COL4A4: variants seen among roughly 807,000 people sequenced by gnomAD.
COL4A4 encodes collagen alpha-4(IV) chain.
A neutral mutation model predicts 192.9 loss-of-function variants in COL4A4; 105 were observed. That is an observed-to-expected ratio of 0.54 (90% CI 0.46 to 0.64). The LOEUF (loss-of-function observed/expected upper bound fraction) is 0.64. Among genes scored for constraint, COL4A4 ranks in the 30% least tolerant of loss-of-function variants. COL4A4 has a pLI of 0.00. For synonymous variants in COL4A4, 762 were observed against 769.9 expected (o/e 0.99, Z 0.17); for missense variants, 1,967 against 2,169.3 (o/e 0.91, Z 1.85).
chr2:227,118,426 A>C (rs779583243), intron 7 of COL4A4, among the ~76,000 whole-genome samples: 2 of 152,148 alleles, frequency 1.3e-5, no homozygotes, highest in Non-Finnish European at 2.9e-5. Flanking sequence ...GCCTTTACCT[A>C]ACATGGATAA....
intron 1 of COL4A4, among the ~76,000 whole-genome samples, chr2:227,159,604 G>T (rs2064653707): frequency 6.6e-6 from 1 of 152,172 alleles, no homozygotes; most frequent in East Asian, 1.9e-4. Flanking sequence ...CCAGTGGGAG[G>T]TAATTGAATC....
At chr2:227,068,322 T>C (rs2058479905) in intron 25 of COL4A4, among the ~76,000 whole-genome samples, 2 of 152,198 alleles carry the variant, frequency 1.3e-5, no homozygotes, top group African/African-American at 4.8e-5. Context: ...CTTCTGAAAC[T>C]ATTCCAATCA....
chr2:227,023,968 T>C (rs1235741474), intron 43 of COL4A4, among the ~76,000 whole-genome samples: 2 of 148,936 alleles, frequency 1.3e-5, no homozygotes, highest in Non-Finnish European at 3.0e-5. Context: ...ATCACACCAT[T>C]AAACTCCAGC....
Position 227,025,828 on chromosome 2 carries a change from C to T in COL4A4, c.4082-18G>A, listed in dbSNP as rs774338050. ...TCTGGGACCTAGAGGGATCCAAAGA[C>T]AACAAACGAGGCCAGTCCATGATTT... is the stretch of plus-strand genomic sequence containing the variant. On this transcript the variant is annotated intron_variant, in intron 42 of 47. Transcript: ENST00000396625. 3.3e-5 allele frequency: 53 copies of T among 1,612,226 alleles called. No individual in the cohort carries two copies. Among genetic ancestry groups the T allele is most frequent in the Non-Finnish European group, 4.3e-5 (51 of 1,179,124 alleles).
chr2:227,104,237 T>C (rs1003962009), intron 12 of COL4A4, 185 bp from the exon 13 acceptor site: 1 of 624,630 alleles, frequency 1.6e-6, no homozygotes, highest in Admixed American at 2.6e-5. Flanking sequence ...TACACACTTA[T>C]TGTTAAAAAT....
chr2:227,121,044 A>T lies in COL4A4; in HGVS notation c.297T>A (p.Pro99=), dbSNP rs1576662029. ...CTCCTTTGTCCCCTGCTGCTCCAGG[A>T]GGGCCGCGGTCCCCTCTCATTCCTT... ...GEKGMRGDRG[P]PGAAGDKGDK... The change falls in exon 5 of 48, where the codon CCT becomes CCA. Residue 99 remains proline, a synonymous_variant. Coordinates refer to ENST00000396625, the MANE Select transcript of COL4A4 (RefSeq NM_000092.5). The T allele has an allele frequency of 6.2e-7, 1 of 1,614,152 alleles. No individual in the cohort carries two copies. The highest frequency in any genetic ancestry group is 1.7e-5 in the Admixed American group (1 of 60,020).
intron 37 of COL4A4, among the ~76,000 whole-genome samples, chr2:227,041,824 G>GAA (rs879774309): frequency 1.4e-4 from 6 of 44,148 alleles, no homozygotes; most frequent in African/African-American, 8.7e-4. Flanking sequence ...AAGAAAGAAA[G>GAA]AAAGAAAGAA....
chr2:227,054,818 C>G, intron 30 of COL4A4, 81 bp from the exon 31 acceptor site: 6 of 1,424,860 alleles, frequency 4.2e-6, no homozygotes, highest in Non-Finnish European at 5.8e-6. Context: ...TGGACAGAGT[C>G]TCACTCTGTC....
chr2:227,059,593 A>T lies in COL4A4; in HGVS notation c.2195T>A (p.Phe732Tyr), dbSNP rs1471579492. The change falls in exon 28 of 48, where the codon TTT becomes TAT. Residue 732 changes from phenylalanine (F) to tyrosine (Y), a missense_variant. By Grantham distance (22) the Phe-to-Tyr change is conservative (BLOSUM62 3). Coordinates refer to ENST00000396625, the MANE Select transcript of COL4A4 (RefSeq NM_000092.5). Reference sequence around the variant, plus strand: ...AGGGGAGGACCCCTTTTCACCTCCAAAACCCGGATCTCCCATGTCACCACG... The same window carrying T: ...AGGGGAGGACCCCTTTTCACCTCCATAACCCGGATCTCCCATGTCACCACG... ...GFRGDMGDPG[F>Y]GGEKGSSPVG... 1 of 1,613,994 alleles carries T rather than the reference A, an allele frequency of 6.2e-7. No individual in the cohort carries two copies. The highest frequency in any genetic ancestry group is 1.7e-5 in the Admixed American group (1 of 59,998).
intron 1 of COL4A4, among the ~76,000 whole-genome samples, chr2:227,162,487 C>A (rs1321195261): frequency 1.3e-5 from 2 of 152,150 alleles, no homozygotes; most frequent in East Asian, 1.9e-4. Flanking sequence ...GAACACCTAC[C>A]GTTTCATTCC....
At chr2:227,037,481 T>C (rs1425781162) in intron 37 of COL4A4, among the ~76,000 whole-genome samples, 1 of 152,242 alleles carries the variant, frequency 6.6e-6, no homozygotes, top group Non-Finnish European at 1.5e-5. Flanking sequence ...TTATCCAGTC[T>C]ATCATTGATG....
chr2:227,084,043 T>A (rs1331727928), intron 22 of COL4A4, among the ~76,000 whole-genome samples: 1 of 152,220 alleles, frequency 6.6e-6, no homozygotes, highest in African/African-American at 2.4e-5. Context: ...TAGCATCCTG[T>A]TTGTAGCAAT....
Position 227,047,632 on chromosome 2 carries a change from T to C in COL4A4, c.3215-83A>G, listed in dbSNP as rs1421950928. On this transcript the variant is annotated intron_variant, in intron 34 of 47. Coordinates refer to ENST00000396625, the MANE Select transcript of COL4A4 (RefSeq NM_000092.5). ...AGGTGACAGTAACGTTTATGGTATTTGTATAGCTTATCTTCAGATATTTTA... is the reference window on the plus strand; with the variant it reads ...AGGTGACAGTAACGTTTATGGTATTCGTATAGCTTATCTTCAGATATTTTA... 3 of 850,592 alleles carry C rather than the reference T, an allele frequency of 3.5e-6. No individual in the cohort carries two copies. The African/African-American group carries it at 5.0e-5, about 14-fold the overall frequency. 52.7% of individuals were successfully genotyped at this position (850,592 alleles called of 1,614,324 possible). A position where few individuals can be genotyped will look rare whatever the true frequency, so the allele number is the denominator to read the frequency against.
the COL4A4 span, among the ~76,000 whole-genome samples, chr2:226,973,220 A>G: frequency 5.6e-4 from 85 of 152,352 alleles, no homozygotes; most frequent in African/African-American, 2.0e-3. Flanking sequence ...AAACTCATCC[A>G]AACCATTTAA....
intron 4 of COL4A4, among the ~76,000 whole-genome samples, chr2:227,130,324 C>A (rs985902430): frequency 6.6e-6 from 1 of 152,230 alleles, no homozygotes; most frequent in Non-Finnish European, 1.5e-5. Flanking sequence ...TGCCACTGAA[C>A]AACAAGGTCA....
chr2:227,028,533 T>C (rs1279951332), intron 41 of COL4A4, among the ~76,000 whole-genome samples: 4 of 152,160 alleles, frequency 2.6e-5, no homozygotes, highest in Non-Finnish European at 5.9e-5. Flanking sequence ...AACTGAAGTT[T>C]AGTTGCTTTT....
chr2:227,044,720 G>A (rs1025377322), intron 35 of COL4A4, among the ~76,000 whole-genome samples: 1 of 152,144 alleles, frequency 6.6e-6, no homozygotes, highest in African/African-American at 2.4e-5. Flanking sequence ...TGCAGAGTAG[G>A]TAGGACTGAA....
Position 227,082,170 on chromosome 2 carries a change from A to C in COL4A4, c.1641T>G (p.Ser547=), listed in dbSNP as rs1173764991. 3.1e-6 allele frequency: 5 copies of C among 1,614,090 alleles called. No individual in the cohort carries two copies. The highest frequency in any genetic ancestry group is 1.7e-5 in the Admixed American group (1 of 60,010). The change falls in exon 23 of 48, where the codon TCT becomes TCG. Residue 547 remains serine, a synonymous_variant. Coordinates refer to ENST00000396625, the MANE Select transcript of COL4A4 (RefSeq NM_000092.5). The part of the protein sequence containing the change: ...PPGLPGKHGA[S]GPPGNKGAKG... Reference sequence around the variant, plus strand: ...TCGCCCCTTTGTTGCCAGGTGGTCCAGAGGCACCATGCTTTCCCTTGGTGA... The same window carrying C: ...TCGCCCCTTTGTTGCCAGGTGGTCCCGAGGCACCATGCTTTCCCTTGGTGA...
In COL4A4 at chr2:227,060,255, T is replaced by G. The variant is rs775899448; in HGVS notation, c.2057-12A>C. 3 of 1,583,672 alleles carry G rather than the reference T, an allele frequency of 1.9e-6. No individual in the cohort carries two copies. The highest frequency in any genetic ancestry group is 2.6e-6 in the Non-Finnish European group (3 of 1,153,402). On this transcript the variant is annotated splice_polypyrimidine_tract_variant and intron_variant, in intron 26 of 47. Coordinates refer to ENST00000396625, the MANE Select transcript of COL4A4 (RefSeq NM_000092.5). ...AAATCCCTTCGGACCTAAACAATAA[T>G]AAAAACAAAACACAGACTCAATAAA...
Sources: gnomAD v4.1 joint callset for allele counts (sites outside exome capture counted in the v4.1 genomes callset) on GRCh38, gnomAD v4.1.1 for gene constraint, MANE v1.5 for transcripts, NCBI Gene and HGNC (gene_info 2026-07-23, HGNC 2026-07-21) for gene names.